The following TSFM variants were observed in gnomAD, a reference collection of about 807,000 sequenced individuals.
TSFM encodes the protein Ts translation elongation factor, mitochondrial, also known as elongation factor Ts, mitochondrial.
In TSFM, 29 loss-of-function variants were observed where a neutral mutation model predicts 33.4. That is an observed-to-expected ratio of 0.87 (90% CI 0.65 to 1.18). The LOEUF is 1.18. Among genes scored for constraint, TSFM ranks in the 50% most tolerant of loss-of-function variants. The pLI is 0.00. For synonymous variants in TSFM, 178 were observed against 163.5 expected, an observed-to-expected ratio of 1.09 and a Z score of -0.68; for missense variants, 394 against 395.6, an observed-to-expected ratio of 1.00 and a Z score of 0.04.
chr12:57,783,531 G>GAT, intron 2 of TSFM: 1 of 670,648 alleles, frequency 1.5e-6, no homozygotes. Flanking sequence ...AAGGGTTTGT[G>GAT]TGAGCTTTGG....
intron 1 of TSFM, 53 bp from the exon 2 acceptor site, chr12:57,783,057 A>T (rs543592442): frequency 6.4e-7 from 1 of 1,569,222 alleles, no homozygotes; most frequent in Non-Finnish European, 8.6e-7. Flanking sequence ...TGTACCCTTC[A>T]CCCTCTGGAG....
chr12:57,791,865 C>A, intron 4 of TSFM: 1 of 255,434 alleles, frequency 3.9e-6, no homozygotes, highest in Non-Finnish European at 8.3e-6. Flanking sequence ...GATACTACAA[C>A]TTCACACCAT....
At chr12:57,793,228 G>C (rs544974400) in intron 5 of TSFM, among the ~76,000 whole-genome samples, 155 bp downstream of exon 5, 1 of 152,004 alleles carries the variant, frequency 6.6e-6, no homozygotes, top group Non-Finnish European at 1.5e-5. Context: ...GGGAACATTA[G>C]GCATCTTTTT....
At position 57,797,297 on chromosome 12, in the gene TSFM, C is replaced by G; in HGVS notation, c.*714C>G. ...CTCACTTAACATTGCCTCTTTACTT[C>G]CCCAGTACTGAAACATTTCTTCAAG... On this transcript the variant is annotated 3_prime_UTR_variant, in exon 6 of 6. Transcript: ENST00000652027. The G allele has an allele frequency of 2.0e-6, 2 of 985,350 alleles. No homozygotes were observed. The highest frequency in any genetic ancestry group is 1.2e-6 in the Non-Finnish European group (1 of 829,926). The allele number at this position is 985,350 out of a possible 1,614,324, so 61.0% of individuals were successfully genotyped here.
intron 2 of TSFM, chr12:57,783,910 C>T (rs1202353259): frequency 2.9e-6 from 2 of 701,534 alleles, no homozygotes; most frequent in African/African-American, 1.7e-5. Flanking sequence ...GCCACCGCGC[C>T]CGGCTGACTT....
chr12:57,798,219 T>G (rs1003205182), downstream of TSFM, among the ~76,000 whole-genome samples: 1 of 152,352 alleles, frequency 6.6e-6, no homozygotes, highest in South Asian at 2.1e-4. Context: ...CTGGATTCAC[T>G]GCTCTCACAG....
Position 57,795,650 on chromosome 12 carries a change from T to G in TSFM, c.572-527T>G, listed in dbSNP as rs546613344. ...GTTTTTTTTGTTTTTGGAGAGAGTC[T>G]TGTTCCCAGGATGGACTGCAATGGT... On this transcript the variant is annotated intron_variant, in intron 5 of 5. Transcript: ENST00000652027. 9.9e-5 allele frequency among the ~76,000 whole-genome samples: 15 copies of G among 152,200 alleles called. No homozygotes were observed. The South Asian group carries it at 2.7e-3, about 27-fold the overall frequency.
At position 57,784,483 on chromosome 12, in the gene TSFM, G is replaced by A. The variant is rs1015236551; in HGVS notation, c.231+1200G>A. On this transcript the variant is annotated intron_variant, in intron 2 of 5. Transcript: ENST00000652027. ...ACTTTTAACATGTTTTAAATTTTTG[G>A]ACTCTTTTGTAATAACAGCATAAAA... Among the ~76,000 whole-genome samples, 6 of 152,112 alleles carry A rather than the reference G, an allele frequency of 3.9e-5. No homozygotes were observed. The South Asian group carries it at 1.2e-3, about 32-fold the overall frequency.
intron 2 of TSFM, 189 bp downstream of exon 2, chr12:57,783,472 A>C (rs994726880): frequency 2.7e-6 from 2 of 747,430 alleles, no homozygotes; most frequent in Admixed American, 4.2e-5. Flanking sequence ...TGAGTATCCC[A>C]GGATTAACAA....
downstream of TSFM, among the ~76,000 whole-genome samples, chr12:57,799,079 T>C (rs1161105380): frequency 1.3e-5 from 2 of 151,932 alleles, no homozygotes; most frequent in African/African-American, 4.8e-5. Context: ...GAGGGGGAAA[T>C]AGGCAATGAA....
chr12:57,802,856 GC>G (rs1955878078), downstream of TSFM: 2 of 553,176 alleles, frequency 3.6e-6, no homozygotes, highest in African/African-American at 3.8e-5. Flanking sequence ...CTACTCCACT[GC>G]CCTTATGTGG....
chr12:57,784,192 A>C (rs1955557847), intron 2 of TSFM: 3 of 697,738 alleles, frequency 4.3e-6, no homozygotes, highest in Non-Finnish European at 7.8e-6. Flanking sequence ...GTATCTAAAC[A>C]TAGAAAAAGT....
downstream of TSFM, chr12:57,801,290 C>G (rs1033480074): frequency 7.4e-6 from 9 of 1,211,458 alleles, no homozygotes; most frequent in Non-Finnish European, 1.1e-5. Context: ...TCTGTGTCTT[C>G]AGGAAAAGCA....
chr12:57,795,030 A>C (rs551848201), intron 5 of TSFM, among the ~76,000 whole-genome samples: 10 of 150,402 alleles, frequency 6.6e-5, no homozygotes, highest in African/African-American at 2.4e-4. Flanking sequence ...AAGTGCTGGG[A>C]TTACAGGCGT....
intron 5 of TSFM, among the ~76,000 whole-genome samples, chr12:57,795,705 C>T (rs1955727214): frequency 6.6e-6 from 1 of 152,026 alleles, no homozygotes; most frequent in South Asian, 2.1e-4. Context: ...ACCTCCGCTT[C>T]CTGGGTTCAA....
intron 5 of TSFM, among the ~76,000 whole-genome samples, chr12:57,793,289 G>A (rs1955689124): frequency 6.6e-6 from 1 of 151,784 alleles, no homozygotes; most frequent in Non-Finnish European, 1.5e-5. Flanking sequence ...GTGCAGTGGC[G>A]CAATCTCGGC....
intron 2 of TSFM, chr12:57,783,622 C>T (rs953048355): frequency 1.8e-6 from 1 of 557,430 alleles, no homozygotes; most frequent in East Asian, 4.6e-5. Flanking sequence ...CAGACGGAGT[C>T]TTGCTCTGTG....
chr12:57,801,913 A>C (rs573814836), downstream of TSFM, among the ~76,000 whole-genome samples: 4 of 152,336 alleles, frequency 2.6e-5, no homozygotes, highest in African/African-American at 9.6e-5. Flanking sequence ...ATGTGTATGG[A>C]TATACTTTAT....
chr12:57,801,689 G>A (rs1281843861), downstream of TSFM, among the ~76,000 whole-genome samples: 2 of 152,042 alleles, frequency 1.3e-5, no homozygotes, highest in Non-Finnish European at 1.5e-5. Context: ...GCAGTGAGCC[G>A]AGATTGTGCC....
Sources: gnomAD v4.1 joint callset for allele counts (sites outside exome capture counted in the v4.1 genomes callset) on GRCh38, gnomAD v4.1.1 for gene constraint, MANE v1.5 for transcripts, NCBI Gene and HGNC (gene_info 2026-07-23, HGNC 2026-07-21) for gene names.